Variants in TFB1M observed in about 807,000 individuals in gnomAD.
TFB1M encodes the protein dimethyladenosine transferase 1, mitochondrial.
TFB1M carries 27 observed loss-of-function variants against 31.1 expected under a neutral mutation model. That is an observed-to-expected ratio of 0.87 (90% CI 0.64 to 1.20). The LOEUF (loss-of-function observed/expected upper bound fraction) is 1.20, where lower values mean the gene tolerates loss of function less well. Among genes scored for constraint, TFB1M ranks in the 50% most tolerant of loss-of-function variants. The probability of loss-of-function intolerance (pLI) is 0.00; values close to 1 mark genes in which losing one functional copy is unlikely to be tolerated. For synonymous variants in TFB1M, 166 were observed against 151.8 expected, an observed-to-expected ratio of 1.09 and a Z score of -0.69; for missense variants, 394 against 418.7, an observed-to-expected ratio of 0.94 and a Z score of 0.51.
At chr6:155,263,626 G>C (rs1463295783) in intron 5 of TFB1M, among the ~76,000 whole-genome samples, 3 of 152,090 alleles carry the variant, frequency 2.0e-5, no homozygotes, top group African/African-American at 7.2e-5. Context: ...AGGGACCCGG[G>C]CTAAGGAGAT....
chr6:155,241,566 G>C, the TFB1M span, among the ~76,000 whole-genome samples: 184 of 152,220 alleles, frequency 1.2e-3, no homozygotes, highest in African/African-American at 4.2e-3. Context: ...TGGCACACAC[G>C]TGCGGCTATT....
At chr6:155,277,669 C>T (rs1463199158) in intron 5 of TFB1M, among the ~76,000 whole-genome samples, 2 of 152,044 alleles carry the variant, frequency 1.3e-5, no homozygotes, top group Admixed American at 6.6e-5. Flanking sequence ...ATAGCTAAAA[C>T]GAAAAGGTAT....
chr6:155,240,567 A>G, the TFB1M span: 2 of 1,614,106 alleles, frequency 1.2e-6, no homozygotes, highest in Non-Finnish European at 1.7e-6. Flanking sequence ...AGGAGTTTTA[A>G]CGACAGTCAG....
At chr6:155,289,352 C>T (rs1019086944) in intron 4 of TFB1M, among the ~76,000 whole-genome samples, 9 of 152,178 alleles carry the variant, frequency 5.9e-5, no homozygotes, top group African/African-American at 2.2e-4. Context: ...ACTACCTGTA[C>T]TCAAGTTCAG....
chr6:155,282,801 C>A (rs991320447), intron 5 of TFB1M, among the ~76,000 whole-genome samples: 2 of 151,892 alleles, frequency 1.3e-5, no homozygotes, highest in African/African-American at 4.8e-5. Context: ...CATCTCGCCT[C>A]GCTGCAAGCT....
intron 2 of TFB1M, among the ~76,000 whole-genome samples, chr6:155,301,482 A>C (rs1226443412): frequency 1.3e-5 from 2 of 152,180 alleles, no homozygotes; most frequent in Non-Finnish European, 2.9e-5. Flanking sequence ...TGGGAAAATC[A>C]CTATTATATG....
At position 155,257,190 on chromosome 6, in the gene TFB1M, CAAAAA is replaced by C. The variant is rs11455127; in HGVS notation, c.*641_*645del. ...TAAACTGGTGGTAAAGTGGAAATTG[CAAAAA>C]AAAAAAAAAAAAAAAACTGTTCATT... On this transcript the variant is annotated 3_prime_UTR_variant, in exon 7 of 7. Transcript: ENST00000367166. 700 of 546,598 alleles carry C rather than the reference CAAAAA, an allele frequency of 1.3e-3. No individual in the cohort carries two copies. Among genetic ancestry groups the C allele is most frequent in the East Asian group, 3.2e-3 (80 of 25,106 alleles). 33.9% of individuals were successfully genotyped at this position (546,598 alleles called of 1,614,324 possible).
chr6:155,284,719 C>T (rs1776541707), intron 5 of TFB1M, among the ~76,000 whole-genome samples: 1 of 152,064 alleles, frequency 6.6e-6, no homozygotes, highest in Non-Finnish European at 1.5e-5. Context: ...AGATGATTTA[C>T]CACAAATAAC....
chr6:155,294,713 T>C (rs921605731), intron 4 of TFB1M, among the ~76,000 whole-genome samples: 2 of 152,186 alleles, frequency 1.3e-5, no homozygotes, highest in Admixed American at 6.5e-5. Flanking sequence ...CTGGTGGGAA[T>C]ATAAACAGGC....
chr6:155,271,447 C>G (rs1432570707), intron 5 of TFB1M, among the ~76,000 whole-genome samples: 1 of 152,088 alleles, frequency 6.6e-6, no homozygotes, highest in Non-Finnish European at 1.5e-5. Flanking sequence ...GAAGCAATAA[C>G]AAGAAAACTC....
At chr6:155,263,595 G>C (rs1784489121) in intron 5 of TFB1M, among the ~76,000 whole-genome samples, 1 of 152,138 alleles carries the variant, frequency 6.6e-6, no homozygotes, top group African/African-American at 2.4e-5. Context: ...TATCAGCTCA[G>C]AGCAGCACTT....
At chr6:155,245,755 G>T in the TFB1M span, 4,015 of 1,022,714 alleles carry the variant, frequency 3.9e-3, no homozygotes, top group Non-Finnish European at 4.9e-3. Flanking sequence ...GCCTTTTATA[G>T]TTTTTTTTTT....
chr6:155,243,403 G>A, the TFB1M span, among the ~76,000 whole-genome samples: 1 of 152,214 alleles, frequency 6.6e-6, no homozygotes, highest in East Asian at 1.9e-4. Context: ...TGCTGCAGTG[G>A]CCTGAAGAAA....
At chr6:155,310,688 C>T (rs1200154142) in intron 2 of TFB1M, among the ~76,000 whole-genome samples, 1 of 152,192 alleles carries the variant, frequency 6.6e-6, no homozygotes, top group Non-Finnish European at 1.5e-5. Context: ...CCTTCCTTCA[C>T]TTAAAAAATT....
At chr6:155,279,921 T>C (rs1023576600) in intron 5 of TFB1M, among the ~76,000 whole-genome samples, 1 of 152,192 alleles carries the variant, frequency 6.6e-6, no homozygotes, top group East Asian at 1.9e-4. Flanking sequence ...ATGACTCTGG[T>C]ACTACTTTAA....
intron 5 of TFB1M, among the ~76,000 whole-genome samples, chr6:155,266,575 T>G (rs13220615): frequency 0.63 from 96,226 of 151,560 alleles, 31,264 homozygotes; most frequent in East Asian, 0.98. Context: ...GGCTGGGCGC[T>G]GTGGCTCACA....
chr6:155,306,682 C>G (rs1273820825), intron 2 of TFB1M, among the ~76,000 whole-genome samples: 1 of 151,978 alleles, frequency 6.6e-6, no homozygotes, highest in Non-Finnish European at 1.5e-5. Flanking sequence ...AAAAAATAAT[C>G]TACAGTGACA....
intron 2 of TFB1M, among the ~76,000 whole-genome samples, chr6:155,305,687 A>G (rs1311788302): frequency 1.1e-5 from 1 of 93,602 alleles, no homozygotes; most frequent in Non-Finnish European, 1.9e-5. Context: ...ATTAAATTAT[A>G]TATTTATATA....
chr6:155,297,182 A>G, intron 3 of TFB1M, 78 bp from the exon 4 acceptor site: 1 of 1,474,960 alleles, frequency 6.8e-7, no homozygotes, highest in South Asian at 1.2e-5. Flanking sequence ...GAGTAAAATC[A>G]GACTGGATAT....
Sources: gnomAD v4.1 joint callset for allele counts (sites outside exome capture counted in the v4.1 genomes callset) on GRCh38, gnomAD v4.1.1 for gene constraint, MANE v1.5 for transcripts, NCBI Gene and HGNC (gene_info 2026-07-23, HGNC 2026-07-21) for gene names.